The following CSMD1 variants were observed in gnomAD, a reference collection of about 807,000 sequenced individuals.
CSMD1 encodes the protein CUB and Sushi multiple domains 1, also known as CUB and sushi domain-containing protein 1.
In CSMD1, 213 loss-of-function variants were observed where a neutral mutation model predicts 417.5. That is an observed-to-expected ratio of 0.51 (90% CI 0.46 to 0.57). The LOEUF is 0.57. Ranked by LOEUF, CSMD1 falls within the 20% of genes least tolerant of loss-of-function variation. CSMD1 has a pLI of 0.00. For synonymous variants in CSMD1, 2,862 were observed against 1,736.8 expected (o/e 1.65, Z -16.11); for missense variants, 6,923 against 4,529.7 (o/e 1.53, Z -15.17).
intron 3 of CSMD1, among the ~76,000 whole-genome samples, chr8:4,165,721 C>G (rs1797418817): frequency 1.3e-5 from 2 of 152,158 alleles, no homozygotes; most frequent in Non-Finnish European, 2.9e-5. Flanking sequence ...ATTTTTATTA[C>G]AAGTTTAATC....
At position 3,460,459 on chromosome 8, in the gene CSMD1, A is replaced by G. The variant is rs534866682; in HGVS notation, c.1561+8253T>C. On this transcript the variant is annotated intron_variant, in intron 12 of 69. Transcript: ENST00000635120. ...TTGAAACAGTGTAGGAACACTCTCT[A>G]TGTTCATTTTTTTAAAAAAGATAAT... Among the ~76,000 whole-genome samples, 5 of 152,220 alleles carry G rather than the reference A, an allele frequency of 3.3e-5. No individual in the cohort carries two copies. The South Asian group carries it at 6.2e-4, about 19-fold the overall frequency.
intron 12 of CSMD1, among the ~76,000 whole-genome samples, chr8:3,440,991 T>C (rs1266369194): frequency 1.3e-5 from 2 of 152,182 alleles, no homozygotes; most frequent in African/African-American, 4.8e-5. Context: ...TTAAACATCC[T>C]GAGATTAGAT....
chr8:3,027,663 T>C (rs1810036336), intron 51 of CSMD1, among the ~76,000 whole-genome samples: 1 of 152,150 alleles, frequency 6.6e-6, no homozygotes, highest in Non-Finnish European at 1.5e-5. Flanking sequence ...AAAACAAATT[T>C]GTGGCCCGAG....
chr8:4,521,393 A>G (rs1358960395), intron 2 of CSMD1, among the ~76,000 whole-genome samples: 1 of 152,118 alleles, frequency 6.6e-6, no homozygotes, highest in African/African-American at 2.4e-5. Flanking sequence ...AAACAAAACA[A>G]AACATCGATA....
intron 3 of CSMD1, among the ~76,000 whole-genome samples, chr8:4,098,623 G>C (rs1040674817): frequency 3.3e-5 from 5 of 152,070 alleles, no homozygotes; most frequent in Non-Finnish European, 7.4e-5. Context: ...TGAAGGTAGT[G>C]AAATACCCCA....
chr8:3,267,765 C>G (rs1200391390), intron 26 of CSMD1, among the ~76,000 whole-genome samples: 1 of 152,150 alleles, frequency 6.6e-6, no homozygotes, highest in Non-Finnish European at 1.5e-5. Context: ...CCCACAGCAG[C>G]TGATGGGAGT....
rs550069310 is a variant in CSMD1 at position 3,558,736 on chromosome 8, C to T, written c.1344+16209G>A. 1.3e-3 allele frequency among the ~76,000 whole-genome samples: 200 copies of T among 150,780 alleles called. 2 individuals carry two copies. Among genetic ancestry groups the T allele is most frequent in the African/African-American group, 4.9e-3 (198 of 40,720 alleles). On this transcript the variant is annotated intron_variant, in intron 10 of 69. Transcript: ENST00000635120. ...TAGTGCTTCAGTAGTACCCCGTGTT[C>T]ACTCCTCCAATGATGAATAGTGCCT...
intron 1 of CSMD1, among the ~76,000 whole-genome samples, chr8:4,827,863 A>G (rs1411855270): frequency 1.3e-5 from 2 of 152,172 alleles, no homozygotes; most frequent in Non-Finnish European, 2.9e-5. Flanking sequence ...CTTGCCCTTT[A>G]CCATTTTAAT....
intron 11 of CSMD1, among the ~76,000 whole-genome samples, chr8:3,491,939 G>A (rs1329583639): frequency 1.3e-5 from 2 of 152,176 alleles, no homozygotes; most frequent in Admixed American, 6.5e-5. Flanking sequence ...AGGATCCGGA[G>A]GCTTGCTCAC....
chr8:3,004,828 A>C (rs2128958565), intron 52 of CSMD1, among the ~76,000 whole-genome samples: 1 of 152,318 alleles, frequency 6.6e-6, no homozygotes, highest in Non-Finnish European at 1.5e-5. Flanking sequence ...ACTGTTCTAC[A>C]AAATATGTCA....
intron 4 of CSMD1, among the ~76,000 whole-genome samples, chr8:4,010,708 T>A (rs1258654615): frequency 6.6e-6 from 1 of 152,158 alleles, no homozygotes; most frequent in Non-Finnish European, 1.5e-5. Context: ...TTCTTTTCCT[T>A]GTCCCTATCA....
At chr8:3,752,105 C>T (rs1342869134) in intron 6 of CSMD1, among the ~76,000 whole-genome samples, 1 of 152,110 alleles carries the variant, frequency 6.6e-6, no homozygotes, top group African/African-American at 2.4e-5. Flanking sequence ...CCTCCCACCG[C>T]CAACACGTCC....
intron 5 of CSMD1, among the ~76,000 whole-genome samples, chr8:3,911,329 A>G (rs567510869): frequency 4.0e-5 from 6 of 151,474 alleles, no homozygotes; most frequent in Non-Finnish European, 7.4e-5. Context: ...GAAAGGCTAT[A>G]TATCCTAGCT....
At position 3,132,816 on chromosome 8, in the gene CSMD1, A is replaced by G. The variant is rs190235271; in HGVS notation, c.6241+9649T>C. On this transcript the variant is annotated intron_variant, in intron 41 of 69. Coordinates refer to ENST00000635120, the MANE Select transcript of CSMD1 (RefSeq NM_033225.6). ...AGCCCAAGCTCTTATTTCTTTCTGGAGCTCAGGAGCTACACAAGCTCCAAC... is the reference window on the plus strand; with the variant it reads ...AGCCCAAGCTCTTATTTCTTTCTGGGGCTCAGGAGCTACACAAGCTCCAAC... Among the ~76,000 whole-genome samples, 4 of 152,166 alleles carry G rather than the reference A, an allele frequency of 2.6e-5. No individual in the cohort carries two copies. The East Asian group carries it at 7.8e-4, about 30-fold the overall frequency.
chr8:4,685,146 G>T (rs552767889), intron 1 of CSMD1, among the ~76,000 whole-genome samples: 1 of 152,206 alleles, frequency 6.6e-6, no homozygotes, highest in African/African-American at 2.4e-5. Flanking sequence ...AATAATCATT[G>T]TATGTTGTAA....
chr8:3,882,542 T>C (rs1048151986), intron 5 of CSMD1, among the ~76,000 whole-genome samples: 3 of 152,192 alleles, frequency 2.0e-5, no homozygotes, highest in South Asian at 2.1e-4. Flanking sequence ...GAGTGGACGA[T>C]CGCATCCTTA....
intron 23 of CSMD1, among the ~76,000 whole-genome samples, chr8:3,309,125 C>T (rs1805123944): frequency 6.6e-6 from 1 of 152,096 alleles, no homozygotes. Flanking sequence ...CCTCTAGGAC[C>T]TCTAGGAACG....
Position 2,937,714 on chromosome 8 carries a change from A to G in CSMD1, c.*871T>C, listed in dbSNP as rs1226701218. ...TTCAACACGTAAATGGAGCTAATTG[A>G]AGCAATAATAAAATAAATCTCTTCA... On this transcript the variant is annotated 3_prime_UTR_variant, in exon 70 of 70. Coordinates refer to ENST00000635120, the MANE Select transcript of CSMD1 (RefSeq NM_033225.6). 2 of 152,434 alleles carry G rather than the reference A, an allele frequency of 1.3e-5. No homozygotes were observed. The highest frequency in any genetic ancestry group is 1.3e-4 in the Admixed American group (2 of 15,290). 9.4% of individuals were successfully genotyped at this position (152,434 alleles called of 1,614,324 possible).
Position 4,744,074 on chromosome 8 carries a change from C to G in CSMD1, c.86-106516G>C, listed in dbSNP as rs186707115. On this transcript the variant is annotated intron_variant, in intron 1 of 69. Coordinates refer to ENST00000635120, the MANE Select transcript of CSMD1 (RefSeq NM_033225.6). ...TTCTTATGCGGCTTTGATGATGATT[C>G]AATTAAGGCAGGTATGAGCAGGAGC... Among the ~76,000 whole-genome samples the G allele has an allele frequency of 2.6e-3, 394 of 152,296 alleles. 1 individual carries two copies. Among genetic ancestry groups the G allele is most frequent in the African/African-American group, 9.1e-3 (377 of 41,564 alleles).
Sources: allele counts gnomAD v4.1 joint callset (sites outside exome capture counted in the v4.1 genomes callset), GRCh38; gene constraint gnomAD v4.1.1; transcripts MANE v1.5; gene names NCBI Gene and HGNC (gene_info 2026-07-23, HGNC 2026-07-21).